Variants in PHF19 observed in about 807,000 individuals in gnomAD.
The protein encoded by PHF19 is PHD finger protein 19, also known as polycomb like 3.
In PHF19, 21 loss-of-function variants were observed where a neutral mutation model predicts 79.8. The observed-to-expected ratio is 0.26, with a 90% CI of 0.19 to 0.38. The LOEUF (loss-of-function observed/expected upper bound fraction) is 0.38, where lower values mean the gene tolerates loss of function less well. Among genes scored for constraint, PHF19 ranks in the 10% least tolerant of loss-of-function variants. PHF19 has a pLI of 1.00. For missense variants in PHF19, 445 were observed against 744.2 expected, an observed-to-expected ratio of 0.60 and a Z score of 4.68; for synonymous variants, 273 against 296.3, an observed-to-expected ratio of 0.92 and a Z score of 0.81.
the PHF19 span, among the ~76,000 whole-genome samples, chr9:120,899,950 C>T: frequency 6.6e-6 from 1 of 152,254 alleles, no homozygotes; most frequent in East Asian, 1.9e-4. Flanking sequence ...TCAAAAGACC[C>T]GAGTGTGAAT....
intron 9 of PHF19, among the ~76,000 whole-genome samples, chr9:120,865,216 C>T (rs2045663704): frequency 6.6e-6 from 1 of 152,172 alleles, no homozygotes; most frequent in South Asian, 2.1e-4. Context: ...ACACAGCACC[C>T]CCGTGGGAGT....
chr9:120,858,145 G>C lies in PHF19; in HGVS notation c.1542C>G (p.Asp514Glu), dbSNP rs750603816. The C allele has an allele frequency of 1.2e-6, 2 of 1,613,510 alleles. No individual in the cohort carries two copies. Among genetic ancestry groups the C allele is most frequent in the African/African-American group, 1.3e-5 (1 of 74,926 alleles). ...AEGASVPERP[D>E]EGIDSHTFES... ...CAAATGTGTGGCTGTCAATGCCTTC[G>C]TCTGGCCGCTCGGGGACTGAAGCCC... Residue 514 changes from aspartate (D) to glutamate (E), a missense_variant, in exon 15 of 15, where the codon GAC becomes GAG. By Grantham distance (45) the Asp-to-Glu change is conservative. Coordinates refer to ENST00000373896, the MANE Select transcript of PHF19 (RefSeq NM_015651.3).
At position 120,874,413 on chromosome 9, in the gene PHF19, C is replaced by T. The variant is rs2131559785; in HGVS notation, c.186+143G>A. On this transcript the variant is annotated intron_variant, in intron 2 of 14. Coordinates refer to ENST00000373896, the MANE Select transcript of PHF19 (RefSeq NM_015651.3). The surrounding 1 kb of genome is among the most constrained non-coding windows in gnomAD (Gnocchi z 4.5). ...TGGTGCCTGCAAGACCAGGCTCTGG[C>T]CCCTCCCACCACCAGCTTTGGGCAT... 3.2e-6 allele frequency: 2 copies of T among 620,132 alleles called. No individual in the cohort carries two copies. The highest frequency in any genetic ancestry group is 5.5e-5 in the East Asian group (2 of 36,314). 38.4% of individuals were successfully genotyped at this position (620,132 alleles called of 1,614,324 possible).
At chr9:120,878,679 C>T (rs191171454), upstream of PHF19, among the ~76,000 whole-genome samples, 2 of 152,336 alleles carry the variant, frequency 1.3e-5, no homozygotes, top group East Asian at 3.9e-4. Context: ...CTTGATCCCC[C>T]TGCTCTCACC....
intron 14 of PHF19, among the ~76,000 whole-genome samples, chr9:120,859,533 C>A (rs940018090): frequency 1.3e-5 from 2 of 152,186 alleles, no homozygotes; most frequent in African/African-American, 2.4e-5. Flanking sequence ...CTGCTGAGGA[C>A]CAGCTGTTGC....
intron 1 of PHF19, among the ~76,000 whole-genome samples, chr9:120,892,163 C>G (rs1260109593): frequency 6.6e-6 from 1 of 152,198 alleles, no homozygotes; most frequent in Non-Finnish European, 1.5e-5. Context: ...CATTTAAGTA[C>G]ACAGCTCAGA....
In PHF19 at chr9:120,874,936, T is replaced by C. The variant is rs987896916; in HGVS notation, c.-15-180A>G. Among the ~76,000 whole-genome samples, 11 of 152,128 alleles carry C rather than the reference T, an allele frequency of 7.2e-5. No homozygotes were observed. The highest frequency in any genetic ancestry group is 1.3e-4 in the Non-Finnish European group (9 of 68,032). Reference sequence around the variant, plus strand: ...ATTATTATTATTCACATCTTACAGATAGGGAAACAGGTGTGGCAAGGAGAA... The same window carrying C: ...ATTATTATTATTCACATCTTACAGACAGGGAAACAGGTGTGGCAAGGAGAA... On this transcript the variant is annotated intron_variant, in intron 1 of 14. Transcript: ENST00000373896. The surrounding 1 kb of genome is among the most constrained non-coding windows in gnomAD (Gnocchi z 4.5).
chr9:120,893,498 C>G (rs1487303129), intron 1 of PHF19, among the ~76,000 whole-genome samples: 1 of 152,242 alleles, frequency 6.6e-6, no homozygotes, highest in African/African-American at 2.4e-5. Flanking sequence ...ATCTCTAGCC[C>G]TAGCCCTGTA....
intron 1 of PHF19, among the ~76,000 whole-genome samples, chr9:120,884,127 C>G (rs928067888): frequency 1.3e-5 from 2 of 152,074 alleles, no homozygotes; most frequent in Non-Finnish European, 2.9e-5. Context: ...TGACTATTTG[C>G]GAGATATTTT....
At chr9:120,898,123 A>G (rs2046416760), upstream of PHF19, among the ~76,000 whole-genome samples, 1 of 151,972 alleles carries the variant, frequency 6.6e-6, no homozygotes, top group African/African-American at 2.4e-5. Flanking sequence ...TCTCTCTAAG[A>G]TTGTTTGTTT....
Position 120,874,507 on chromosome 9 carries a change from G to T in PHF19, c.186+49C>A. 2 of 1,245,700 alleles carry T rather than the reference G, an allele frequency of 1.6e-6. No individual in the cohort carries two copies. The highest frequency in any genetic ancestry group is 2.3e-6 in the Non-Finnish European group (2 of 855,430). 77.2% of individuals were successfully genotyped at this position (1,245,700 alleles called of 1,614,324 possible). ...GTCTGACAGCCAGGCTGGAACATGA[G>T]CAGAGAGATTCTGAGTCTGAGAACA... On this transcript the variant is annotated intron_variant, in intron 2 of 14. Transcript: ENST00000373896. The surrounding 1 kb of genome is among the most constrained non-coding windows in gnomAD (Gnocchi z 4.5).
At chr9:120,875,071 C>T (rs1449966019) in intron 1 of PHF19, among the ~76,000 whole-genome samples, 1 of 152,210 alleles carries the variant, frequency 6.6e-6, no homozygotes, top group Non-Finnish European at 1.5e-5. Flanking sequence ...GGGCCTGAAC[C>T]ACTCCCTGTC....
At chr9:120,861,663 C>G (rs75116223) in intron 12 of PHF19, among the ~76,000 whole-genome samples, 1 of 152,268 alleles carries the variant, frequency 6.6e-6, no homozygotes, top group East Asian at 1.9e-4. Flanking sequence ...CCACCCTTCC[C>G]TCAGTGTCCC....
upstream of PHF19, chr9:120,877,203 C>G: frequency 1.0e-6 from 1 of 976,804 alleles, no homozygotes; most frequent in Non-Finnish European, 1.2e-6. Flanking sequence ...GCCCGTGGGG[C>G]CGGGGTCGGG....
At chr9:120,882,012 G>A (rs2046193537), upstream of PHF19, among the ~76,000 whole-genome samples, 1 of 152,210 alleles carries the variant, frequency 6.6e-6, no homozygotes, top group African/African-American at 2.4e-5. Flanking sequence ...CACCAGCCTT[G>A]GCCTTCCAAA....
intron 1 of PHF19, chr9:120,876,427 C>CCGGGCGGGGGCCCCCGGGTGG (rs2046055430): frequency 6.6e-6 from 1 of 152,020 alleles, no homozygotes; most frequent in Admixed American, 6.5e-5. Flanking sequence ...TCCACCCTGG[C>CCGGGCGGGGGCCCCCGGGTGG]CGGGCGGGGG....
Position 120,874,927 on chromosome 9 carries a change from T to G in PHF19, c.-15-171A>C, listed in dbSNP as rs1268858577. 6.6e-6 allele frequency among the ~76,000 whole-genome samples: 1 copy of G among 152,168 alleles called. No individual in the cohort carries two copies. Among genetic ancestry groups the G allele is most frequent in the Non-Finnish European group, 1.5e-5 (1 of 68,038 alleles). On this transcript the variant is annotated intron_variant, in intron 1 of 14. Transcript: ENST00000373896. This position sits in a 1 kb window ranked among gnomAD's most constrained non-coding sequence, Gnocchi z 4.5. ...GAGGGAGACATTATTATTATTCACA[T>G]CTTACAGATAGGGAAACAGGTGTGG...
chr9:120,857,817 T>G lies in PHF19; in HGVS notation c.*127A>C. ...GCCTGGCAGGCAGGCAGGCAGGGCA[T>G]TCTGCCAGGCACTTGCAGCTCTGTC... is the stretch of plus-strand genomic sequence containing the variant. On this transcript the variant is annotated 3_prime_UTR_variant, in exon 15 of 15. Transcript: ENST00000373896. 1 of 599,620 alleles carries G rather than the reference T, an allele frequency of 1.7e-6. No homozygotes were observed. 37.1% of individuals were successfully genotyped at this position (599,620 alleles called of 1,614,324 possible). A position where few individuals can be genotyped will look rare whatever the true frequency, so the allele number is the denominator to read the frequency against.
At chr9:120,886,337 G>A (rs991622075) in intron 1 of PHF19, among the ~76,000 whole-genome samples, 1 of 152,232 alleles carries the variant, frequency 6.6e-6, no homozygotes, top group Non-Finnish European at 1.5e-5. Context: ...GCAGGAAAGA[G>A]GCTCTGGGGA....
Sources: allele counts gnomAD v4.1 joint callset (sites outside exome capture counted in the v4.1 genomes callset), GRCh38; gene constraint gnomAD v4.1.1; non-coding constraint Gnocchi (gnomAD v3.1); transcripts MANE v1.5; gene names NCBI Gene and HGNC (gene_info 2026-07-23, HGNC 2026-07-21).